Variants in PHKB observed in about 807,000 individuals in gnomAD.
The protein encoded by PHKB is phosphorylase kinase regulatory subunit beta, also known as phosphorylase b kinase regulatory subunit beta.
In PHKB, 122 loss-of-function variants were observed where a neutral mutation model predicts 152.1. The ratio of observed to expected loss-of-function variants is 0.80; its 90% CI spans 0.69 to 0.93. The LOEUF is 0.93. Ranked by LOEUF, PHKB falls within the 40% of genes least tolerant of loss-of-function variation. The pLI is 0.00. For synonymous variants in PHKB, 436 were observed against 464.9 expected (o/e 0.94, Z 0.80); for missense variants, 1,304 against 1,328.4 (o/e 0.98, Z 0.29).
chr16:47,660,723 C>G lies in PHKB; in HGVS notation c.2100C>G (p.Ser700Arg), dbSNP rs1445732246. 5 of 1,613,760 alleles carry G rather than the reference C, an allele frequency of 3.1e-6. No homozygotes were observed. Among genetic ancestry groups the G allele is most frequent in the Non-Finnish European group, 4.2e-6 (5 of 1,179,772 alleles). Reference sequence around the variant, plus strand: ...AACATTCAAAAGTCAAACGGCAAAGCAGCACCCCTAGTGCTCCTGAACTGG... The same window carrying G: ...AACATTCAAAAGTCAAACGGCAAAGGAGCACCCCTAGTGCTCCTGAACTGG... ...PPKHSKVKRQ[S>R]STPSAPELGQ... is the part of the protein sequence containing the mutation. Residue 700 changes from serine to arginine, a missense_variant, in exon 22 of 31, where the codon AGC becomes AGG. Physicochemically the swap from Ser to Arg is moderately radical, Grantham distance 110. Transcript: ENST00000323584.
chr16:47,550,955 G>A (rs887184054), intron 7 of PHKB, among the ~76,000 whole-genome samples: 2 of 152,146 alleles, frequency 1.3e-5, no homozygotes, highest in Non-Finnish European at 2.9e-5. Flanking sequence ...GAGGGTGTAT[G>A]TGTCCAGCAA....
At chr16:47,632,619 C>T (rs913364900) in intron 14 of PHKB, among the ~76,000 whole-genome samples, 2 of 151,900 alleles carry the variant, frequency 1.3e-5, no homozygotes, top group Admixed American at 1.3e-4. Context: ...GATGAAGGCC[C>T]CAAATGGGAA....
chr16:47,486,545 T>C (rs1026004799), intron 1 of PHKB, among the ~76,000 whole-genome samples: 2 of 152,162 alleles, frequency 1.3e-5, no homozygotes, highest in African/African-American at 2.4e-5. Flanking sequence ...GCCTTAATAA[T>C]TTACTTAATA....
At chr16:47,635,351 G>A (rs1196994071) in intron 14 of PHKB, among the ~76,000 whole-genome samples, 1 of 152,052 alleles carries the variant, frequency 6.6e-6, no homozygotes, top group African/African-American at 2.4e-5. Flanking sequence ...TACCTAATAG[G>A]GGTGTTTAAG....
chr16:47,601,865 A>C (rs1187633025), intron 13 of PHKB, among the ~76,000 whole-genome samples: 1 of 152,206 alleles, frequency 6.6e-6, no homozygotes, highest in Admixed American at 6.5e-5. Context: ...ATATTGTATA[A>C]TTTAAGGCAG....
At chr16:47,492,505 A>G (rs1041486182) in intron 1 of PHKB, among the ~76,000 whole-genome samples, 11 of 152,216 alleles carry the variant, frequency 7.2e-5, no homozygotes, top group African/African-American at 2.7e-4. Context: ...CATCAGTGAG[A>G]AAGACTTCAT....
At position 47,663,682 on chromosome 16, in the gene PHKB, G is replaced by A. The variant is rs56010117; in HGVS notation, c.2284G>A (p.Val762Ile). ...CTCTATTATCCAATGTCTAGGTACC[G>A]TTTCTGATCACATTGAGAGAGTCTA... ...GPNFITKEGT[V>I]SDHIERVYRR... is the part of the protein sequence containing the mutation. The change falls in exon 24 of 31, where the codon GTT becomes ATT. Residue 762 changes from valine (V) to isoleucine (I), a missense_variant. Transcript: ENST00000323584. 1.9e-4 allele frequency: 309 copies of A among 1,612,344 alleles called. 2 individuals are homozygous for A. The African/African-American group carries it at 2.4e-3, about 13-fold the overall frequency.
intron 14 of PHKB, among the ~76,000 whole-genome samples, chr16:47,627,394 G>A (rs991425158): frequency 6.6e-6 from 1 of 152,180 alleles, no homozygotes; most frequent in Non-Finnish European, 1.5e-5. Context: ...ACCAGTTACA[G>A]CAAGTACTTA....
intron 14 of PHKB, among the ~76,000 whole-genome samples, chr16:47,615,632 A>G (rs1373770270): frequency 2.6e-5 from 4 of 152,126 alleles, no homozygotes; most frequent in Non-Finnish European, 5.9e-5. Context: ...TGTAGTCTCA[A>G]GAGTCTCACT....
intron 17 of PHKB, 73 bp downstream of exon 17, chr16:47,648,689 T>C (rs750210321): frequency 1.1e-6 from 1 of 909,862 alleles, no homozygotes; most frequent in Non-Finnish European, 1.9e-6. Context: ...CTTGACCTGC[T>C]ATGCATCCTT....
In PHKB at chr16:47,660,828, G is replaced by C; in HGVS notation, c.2196+9G>C. On this transcript the variant is annotated intron_variant, in intron 22 of 30. Coordinates refer to ENST00000323584, the MANE Select transcript of PHKB (RefSeq NM_000293.3). ...TTCTTCAAAAACTGAATGTGAGACA[G>C]ATGCACTTCCCACATGGCCCTAAGT... The C allele has an allele frequency of 6.2e-7, 1 of 1,613,678 alleles. No homozygotes were observed. The highest frequency in any genetic ancestry group is 1.1e-5 in the South Asian group (1 of 91,074).
intron 18 of PHKB, 142 bp downstream of exon 18, chr16:47,649,346 G>C (rs946236412): frequency 4.4e-6 from 3 of 689,380 alleles, no homozygotes; most frequent in Admixed American, 4.1e-5. Flanking sequence ...CACCTGCATA[G>C]CTTTGGAGAG....
At chr16:47,640,030 A>C (rs1972988605) in intron 14 of PHKB, among the ~76,000 whole-genome samples, 1 of 152,220 alleles carries the variant, frequency 6.6e-6, no homozygotes, top group Non-Finnish European at 1.5e-5. Context: ...ATTTTCTCTT[A>C]CACATTCATT....
At chr16:47,604,180 A>T (rs1279893315) in intron 13 of PHKB, among the ~76,000 whole-genome samples, 1 of 152,014 alleles carries the variant, frequency 6.6e-6, no homozygotes, top group Non-Finnish European at 1.5e-5. Flanking sequence ...TGCCCATTTA[A>T]TCTTGGTTTT....
chr16:47,698,729 G>C, intron 30 of PHKB, 141 bp downstream of exon 30: 1 of 714,046 alleles, frequency 1.4e-6, no homozygotes. Flanking sequence ...GGGGCAGTCT[G>C]CCTTTTTCGA....
At chr16:47,503,112 G>A (rs750492227) in intron 4 of PHKB, 22 bp downstream of exon 4, 8 of 1,367,994 alleles carry the variant, frequency 5.8e-6, no homozygotes, top group South Asian at 5.8e-5. Context: ...TGGTGTGGAC[G>A]GGAATTCTCC....
intron 5 of PHKB, among the ~76,000 whole-genome samples, chr16:47,513,979 T>G (rs1166055147): frequency 6.6e-6 from 1 of 152,186 alleles, no homozygotes; most frequent in Non-Finnish European, 1.5e-5. Context: ...AAAGAAACAT[T>G]GTACCCATTA....
At chr16:47,519,482 A>C (rs938220449) in intron 6 of PHKB, among the ~76,000 whole-genome samples, 1 of 152,190 alleles carries the variant, frequency 6.6e-6, no homozygotes, top group South Asian at 2.1e-4. Flanking sequence ...TGGAAGACCC[A>C]CTTCTGAGAT....
At chr16:47,606,323 GCT>G (rs1972323393) in intron 13 of PHKB, among the ~76,000 whole-genome samples, 1 of 152,014 alleles carries the variant, frequency 6.6e-6, no homozygotes. Flanking sequence ...TTGGTTCCTT[GCT>G]CTGTCATATT....
Sources: gnomAD v4.1 joint callset for allele counts (sites outside exome capture counted in the v4.1 genomes callset) on GRCh38, gnomAD v4.1.1 for gene constraint, MANE v1.5 for transcripts, NCBI Gene and HGNC (gene_info 2026-07-23, HGNC 2026-07-21) for gene names.